PEBP4: variants seen among roughly 807,000 people sequenced by gnomAD.
The protein encoded by PEBP4 is phosphatidylethanolamine-binding protein 4.
PEBP4 carries 22 observed loss-of-function variants against 23.9 expected under a neutral mutation model. The observed-to-expected ratio is 0.92, with a 90% CI of 0.66 to 1.31. PEBP4 has a LOEUF of 1.31. Ranked by LOEUF, PEBP4 falls within the 40% of genes most tolerant of loss-of-function variation. The pLI is 0.00. For missense variants in PEBP4, 324 were observed against 281.7 expected (o/e 1.15, Z -1.07); for synonymous variants, 112 against 99.3 (o/e 1.13, Z -0.76).
At chr8:22,752,569 G>A (rs151001862) in intron 4 of PEBP4, among the ~76,000 whole-genome samples, 1 of 152,286 alleles carries the variant, frequency 6.6e-6, no homozygotes, top group Non-Finnish European at 1.5e-5. Context: ...TATGCCGTGG[G>A]GAGAGTGGGG....
At chr8:22,758,606 C>T (rs1247234651) in intron 4 of PEBP4, among the ~76,000 whole-genome samples, 1 of 152,180 alleles carries the variant, frequency 6.6e-6, no homozygotes, top group Non-Finnish European at 1.5e-5. Flanking sequence ...TGCTGTTAGG[C>T]CACTCACTTG....
At chr8:22,933,078 T>A (rs183553023) in intron 1 of PEBP4, among the ~76,000 whole-genome samples, 258 of 151,914 alleles carry the variant, frequency 1.7e-3, no homozygotes, top group African/African-American at 5.9e-3. Context: ...GCAGTATTGG[T>A]CTGGAGGAGA....
At chr8:22,752,965 C>A (rs1585254224) in intron 4 of PEBP4, among the ~76,000 whole-genome samples, 1 of 152,282 alleles carries the variant, frequency 6.6e-6, no homozygotes, top group African/African-American at 2.4e-5. Flanking sequence ...AGACGTATTC[C>A]TGCTATGTCT....
Position 22,713,542 on chromosome 8 carries a change from A to G in PEBP4, c.518-6T>C. The G allele has an allele frequency of 6.2e-7, 1 of 1,614,200 alleles. No homozygotes were observed. Among genetic ancestry groups the G allele is most frequent in the Non-Finnish European group, 8.5e-7 (1 of 1,180,022 alleles). ...TCTGTCCATTTTCCAAGAGCCTGGA[A>G]GGACAAACAGACCACAGGGAGGCAG... On this transcript the variant is annotated splice_polypyrimidine_tract_variant and splice_region_variant and intron_variant, in intron 6 of 6. Transcript: ENST00000256404.
intron 4 of PEBP4, among the ~76,000 whole-genome samples, chr8:22,737,154 C>T (rs533178457): frequency 2.0e-5 from 3 of 152,072 alleles, no homozygotes; most frequent in South Asian, 2.1e-4. Context: ...ATTAGCAAGG[C>T]GTGGTGGCAG....
At chr8:22,858,222 G>T (rs578068707) in intron 3 of PEBP4, among the ~76,000 whole-genome samples, 81 of 151,850 alleles carry the variant, frequency 5.3e-4, no homozygotes, top group African/African-American at 1.9e-3. Flanking sequence ...TCAGCTTCCT[G>T]CATTTCTTCT....
intron 5 of PEBP4, 23 bp downstream of exon 5, chr8:22,727,152 G>T: frequency 6.2e-7 from 1 of 1,613,422 alleles, no homozygotes; most frequent in Non-Finnish European, 8.5e-7. Flanking sequence ...GCTGGGGGAA[G>T]GGGTCCCTAG....
chr8:22,875,945 T>C (rs898728592), intron 3 of PEBP4, among the ~76,000 whole-genome samples: 5 of 152,178 alleles, frequency 3.3e-5, no homozygotes, highest in African/African-American at 1.2e-4. Flanking sequence ...ACTCTCACTC[T>C]GTCGCCCAGG....
intron 4 of PEBP4, among the ~76,000 whole-genome samples, chr8:22,743,918 G>T (rs554799876): frequency 1.3e-5 from 2 of 152,174 alleles, no homozygotes; most frequent in African/African-American, 2.4e-5. Flanking sequence ...TGCTTGTGAG[G>T]TCTCCCTGCT....
chr8:22,908,853 C>CA (rs1047835150), intron 3 of PEBP4, among the ~76,000 whole-genome samples: 1 of 152,228 alleles, frequency 6.6e-6, no homozygotes. Flanking sequence ...TCTTTTCTTG[C>CA]AAATGACCAT....
In PEBP4 at chr8:22,881,506, G is replaced by A. The variant is rs537324758; in HGVS notation, c.258+38678C>T. ...GTGCAGGACTGGGACCATCTCACTC[G>A]CAGTTGTATGTCCCCAGTGCCTAGA... On this transcript the variant is annotated intron_variant, in intron 3 of 6. Coordinates refer to ENST00000256404, the MANE Select transcript of PEBP4 (RefSeq NM_144962.3). 5.3e-5 allele frequency among the ~76,000 whole-genome samples: 8 copies of A among 152,262 alleles called. No individual in the cohort carries two copies. The East Asian group carries it at 5.8e-4, about 11-fold the overall frequency.
intron 3 of PEBP4, among the ~76,000 whole-genome samples, chr8:22,829,091 G>A (rs944375703): frequency 2.6e-5 from 4 of 152,280 alleles, no homozygotes; most frequent in African/African-American, 7.2e-5. Flanking sequence ...GCACAGCAGC[G>A]ATTTTCTTCA....
intron 4 of PEBP4, among the ~76,000 whole-genome samples, chr8:22,741,055 C>T (rs1005892432): frequency 2.0e-5 from 3 of 152,108 alleles, no homozygotes; most frequent in South Asian, 2.1e-4. Flanking sequence ...ATGGAAGAGG[C>T]GAGAGAAGAG....
At chr8:22,919,600 A>C (rs1399566778) in intron 3 of PEBP4, among the ~76,000 whole-genome samples, 1 of 152,202 alleles carries the variant, frequency 6.6e-6, no homozygotes, top group Non-Finnish European at 1.5e-5. Context: ...CCAGTAAAAT[A>C]GTTATTTCCA....
chr8:22,811,935 T>G (rs1452649918), intron 4 of PEBP4, among the ~76,000 whole-genome samples: 2 of 152,204 alleles, frequency 1.3e-5, no homozygotes, highest in South Asian at 4.2e-4. Context: ...GATGTCAAAG[T>G]TGGGGGCTGT....
At chr8:22,909,739 C>T (rs2128778547) in intron 3 of PEBP4, among the ~76,000 whole-genome samples, 1 of 152,330 alleles carries the variant, frequency 6.6e-6, no homozygotes, top group East Asian at 1.9e-4. Flanking sequence ...CTCTGTTGCT[C>T]ATGAGCAGTG....
chr8:22,926,527 G>T (rs1809338058), intron 2 of PEBP4, among the ~76,000 whole-genome samples: 1 of 151,812 alleles, frequency 6.6e-6, no homozygotes, highest in African/African-American at 2.4e-5. Context: ...AAACTGTTTT[G>T]TAGAGAAAAG....
chr8:22,758,335 T>C (rs1480946324), intron 4 of PEBP4: 1 of 152,240 alleles, frequency 6.6e-6, no homozygotes, highest in African/African-American at 2.4e-5. Context: ...GCAAACTTTC[T>C]GGAAAGGCCC....
At chr8:22,778,384 A>AATTTT (rs749969514) in intron 4 of PEBP4, among the ~76,000 whole-genome samples, 1 of 147,308 alleles carries the variant, frequency 6.8e-6, no homozygotes, top group Non-Finnish European at 1.5e-5. Context: ...CAGAGCTTGA[A>AATTTT]CTTTTTTTTT....
Sources: gnomAD v4.1 joint callset for allele counts (sites outside exome capture counted in the v4.1 genomes callset) on GRCh38, gnomAD v4.1.1 for gene constraint, MANE v1.5 for transcripts, NCBI Gene and HGNC (gene_info 2026-07-23, HGNC 2026-07-21) for gene names.